Variants in XPO5 observed in about 807,000 individuals in gnomAD.
The protein encoded by XPO5 is exportin 5.
XPO5 carries 46 observed loss-of-function variants against 160.6 expected under a neutral mutation model. The ratio of observed to expected loss-of-function variants is 0.29; its 90% CI spans 0.23 to 0.37. XPO5 has a LOEUF of 0.37. Ranked by LOEUF, XPO5 falls within the 10% of genes least tolerant of loss-of-function variation. XPO5 has a pLI of 1.00. For missense variants in XPO5, 1,090 were observed against 1,463.9 expected (o/e 0.74, Z 4.17); for synonymous variants, 537 against 519.3 (o/e 1.03, Z -0.46).
rs780706231 is a variant in XPO5, at chr6:43,565,665, G to A, written c.906C>T (p.Ala302=). The A allele has an allele frequency of 1.7e-5, 28 of 1,604,438 alleles. No homozygotes were observed. The highest frequency in any genetic ancestry group is 1.6e-4 in the Middle Eastern group (1 of 6,064). Reference sequence around the variant, plus strand: ...TGAAAAGTAAAGATACTCACTGTGCGGCGGAGAGTATATAATGCATGGCAA... The same window carrying A: ...TGAAAAGTAAAGATACTCACTGTGCAGCGGAGAGTATATAATGCATGGCAA... The part of the protein sequence containing the change: ...GDVAMHYILS[A]AQTADGGGLV... Residue 302 remains alanine (A), a synonymous_variant, in exon 8 of 32, where the codon GCC becomes GCT. Transcript: ENST00000265351.
chr6:43,563,124 A>G (rs575565551), intron 8 of XPO5, among the ~76,000 whole-genome samples: 1 of 152,158 alleles, frequency 6.6e-6, no homozygotes, highest in African/African-American at 2.4e-5. Flanking sequence ...AAATGCTTTA[A>G]TATTTTTTCT....
intron 23 of XPO5, among the ~76,000 whole-genome samples, chr6:43,530,418 G>A (rs1201336488): frequency 6.7e-6 from 1 of 149,938 alleles, no homozygotes; most frequent in African/African-American, 2.5e-5. Flanking sequence ...GAGCAAGACT[G>A]TCTCAAAAAA....
rs1762856740 is a variant in XPO5, at chr6:43,569,191, C to G, written c.622-454G>C. On this transcript the variant is annotated intron_variant, in intron 5 of 31. Transcript: ENST00000265351. ...CCTGTAATCCCAGCTACTTGGGAAGCTGAGGCAGAAGAATCACTCGAACCC... is the reference window on the plus strand; with the variant it reads ...CCTGTAATCCCAGCTACTTGGGAAGGTGAGGCAGAAGAATCACTCGAACCC... 1.3e-5 allele frequency among the ~76,000 whole-genome samples: 2 copies of G among 151,452 alleles called. 1 individual carries two copies. Among genetic ancestry groups the G allele is most frequent in the South Asian group, 4.2e-4 (2 of 4,816 alleles).
At chr6:43,566,998 T>G (rs899294979) in intron 7 of XPO5, among the ~76,000 whole-genome samples, 171 bp downstream of exon 7, 1 of 152,040 alleles carries the variant, frequency 6.6e-6, no homozygotes, top group African/African-American at 2.4e-5. Flanking sequence ...TGCCAAAGGA[T>G]CCCTTGAATA....
chr6:43,561,445 C>T (rs1762411750), intron 9 of XPO5: 1 of 156,866 alleles, frequency 6.4e-6, no homozygotes. Context: ...GTGGCACGAT[C>T]TCGGCTCACT....
intron 20 of XPO5, among the ~76,000 whole-genome samples, chr6:43,534,939 G>A (rs1794223227): frequency 6.6e-6 from 1 of 152,000 alleles, no homozygotes; most frequent in Non-Finnish European, 1.5e-5. Context: ...AGGTTGTGGT[G>A]AGCCGAGATC....
intron 12 of XPO5, 21 bp from the exon 13 acceptor site, chr6:43,555,985 G>A (rs1335683531): frequency 1.2e-6 from 2 of 1,612,710 alleles, no homozygotes; most frequent in Admixed American, 1.7e-5. Flanking sequence ...AAAATGCCAA[G>A]GGAAGGACAG....
rs1793329906 is a variant in XPO5, at chr6:43,523,513, C to A, written c.*355G>T. On this transcript the variant is annotated 3_prime_UTR_variant, in exon 32 of 32. Transcript: ENST00000265351. Reference sequence around the variant, plus strand: ...TTGCTAGTCGCAGGGTTGGGCACAGCACCCTTAGTTACCATTCTGTACAGG... The same window carrying A: ...TTGCTAGTCGCAGGGTTGGGCACAGAACCCTTAGTTACCATTCTGTACAGG... 9.4e-6 allele frequency: 4 copies of A among 427,306 alleles called. No homozygotes were observed. The highest frequency in any genetic ancestry group is 1.8e-5 in the Non-Finnish European group (4 of 217,696). The allele number at this position is 427,306 out of a possible 1,614,324, so 26.5% of individuals were successfully genotyped here. A position where few individuals can be genotyped will look rare whatever the true frequency, so the allele number is the denominator to read the frequency against.
At position 43,524,963 on chromosome 6, in the gene XPO5, C is replaced by T. The variant is rs879216608; in HGVS notation, c.3180G>A (p.Leu1060=). 1 of 1,613,052 alleles carries T rather than the reference C, an allele frequency of 6.2e-7. No homozygotes were observed. Among genetic ancestry groups the T allele is most frequent in the African/African-American group, 1.3e-5 (1 of 74,938 alleles). ...QLCWPLLKQV[L]SGTLLADAVT... is the part of the protein sequence containing the mutation. ...CTGCATCTGCGAGCAGTGTCCCTGA[C>T]AGCACCTGGGGAGACAACTGTGCTT... Residue 1060 remains leucine (L), a synonymous_variant, in exon 30 of 32, where the codon CTG becomes CTA. Coordinates refer to ENST00000265351, the MANE Select transcript of XPO5 (RefSeq NM_020750.3).
At chr6:43,574,227 C>T (rs928750339) in intron 1 of XPO5, among the ~76,000 whole-genome samples, 6 of 151,140 alleles carry the variant, frequency 4.0e-5, no homozygotes, top group Non-Finnish European at 4.4e-5. Context: ...CACTTGAGCT[C>T]GAGAAATCAA....
At position 43,568,721 on chromosome 6, in the gene XPO5, T is replaced by C; in HGVS notation, c.638A>G (p.Gln213Arg). The C allele has an allele frequency of 6.3e-7, 1 of 1,579,480 alleles. No individual in the cohort carries two copies. The highest frequency in any genetic ancestry group is 8.6e-7 in the Non-Finnish European group (1 of 1,160,800). ...KYQQVKTDTS[Q>R]ESKAQANCRV... ...ATAAAGAGCTCTTACCTTTGACTCC[T>C]GAGAAGTATCTGTCTTCTGAAAGGA... The change falls in exon 6 of 32, where the codon CAG becomes CGG. Residue 213 changes from glutamine (Q) to arginine (R), a missense_variant. Coordinates refer to ENST00000265351, the MANE Select transcript of XPO5 (RefSeq NM_020750.3).
Position 43,530,768 on chromosome 6 carries a change from T to C in XPO5, c.2597A>G (p.Glu866Gly). Residue 866 changes from glutamate (E) to glycine (G), a missense_variant, in exon 23 of 32, where the codon GAG becomes GGG. By Grantham distance (98) the Glu-to-Gly change is moderately conservative. Coordinates refer to ENST00000265351, the MANE Select transcript of XPO5 (RefSeq NM_020750.3). ...PSMQQDFYTV[E>G]DLATQLLSSA... is the part of the protein sequence containing the mutation. The stretch of plus-strand genomic sequence containing the variant: ...GCTGAGAAGCTGGGTAGCAAGGTCC[T>C]CCACAGTATAGAAGTCTTGCTGCAT... 6.2e-7 allele frequency: 1 copy of C among 1,613,946 alleles called. No homozygotes were observed. Among genetic ancestry groups the C allele is most frequent in the Non-Finnish European group, 8.5e-7 (1 of 1,179,882 alleles).
chr6:43,554,459 T>C (rs1761924269), intron 13 of XPO5, among the ~76,000 whole-genome samples: 1 of 148,218 alleles, frequency 6.7e-6, no homozygotes, highest in African/African-American at 2.5e-5. Context: ...GGAGTCCCGC[T>C]CTTTGCCCAG....
At chr6:43,534,193 A>T (rs1794173409) in intron 20 of XPO5, among the ~76,000 whole-genome samples, 186 bp from the exon 21 acceptor site, 1 of 152,186 alleles carries the variant, frequency 6.6e-6, no homozygotes, top group South Asian at 2.1e-4. Context: ...GTATAGATAT[A>T]ATTATCTTAG....
chr6:43,573,472 C>A lies in XPO5; in HGVS notation c.227+8G>T, dbSNP rs754674947. On this transcript the variant is annotated splice_region_variant and intron_variant, in intron 2 of 31. Transcript: ENST00000265351. ...AGACTTCAGTGGTAATGTCCAAGAG[C>A]TCCTTACTTGACAACGTGTTCCAGG... 3 of 1,612,664 alleles carry A rather than the reference C, an allele frequency of 1.9e-6. No homozygotes were observed. The highest frequency in any genetic ancestry group is 8.5e-7 in the Non-Finnish European group (1 of 1,179,030).
chr6:43,541,041 A>G (rs1794664630), intron 20 of XPO5, among the ~76,000 whole-genome samples: 1 of 152,232 alleles, frequency 6.6e-6, no homozygotes. Context: ...TGTGGAATCT[A>G]AAAATTTAAA....
rs1258974878 is a variant in XPO5 at position 43,531,497 on chromosome 6, G to C, written c.2522C>G (p.Ser841Cys). The C allele has an allele frequency of 6.2e-7, 1 of 1,613,750 alleles. No homozygotes were observed. Among genetic ancestry groups the C allele is most frequent in the Non-Finnish European group, 8.5e-7 (1 of 1,179,790 alleles). Residue 841 changes from serine (S) to cysteine (C), a missense_variant, in exon 22 of 32, where the codon TCT becomes TGT. Ser to Cys is a moderately radical substitution (Grantham distance 112). Transcript: ENST00000265351. ...TVLERMQRFF[S>C]TLYENCFHIL... ...TCCTTACCAGTTTTCATAGAGGGTA[G>C]AGAAGAAACGCTGCATTCTTTCCAA...
chr6:43,567,077 C>T, intron 7 of XPO5, 92 bp downstream of exon 7: 2 of 1,389,870 alleles, frequency 1.4e-6, no homozygotes, highest in South Asian at 3.1e-5. Flanking sequence ...AAACCCAAAC[C>T]TTTAAATGAC....
In XPO5 at chr6:43,562,315, G is replaced by A; in HGVS notation, c.943C>T (p.His315Tyr). 3 of 1,609,414 alleles carry A rather than the reference G, an allele frequency of 1.9e-6. No individual in the cohort carries two copies. Among genetic ancestry groups the A allele is most frequent in the Non-Finnish European group, 2.5e-6 (3 of 1,178,098 alleles). ...CAGAGCCTCTTCAGAAAGACGTAGTGTTTTTCTACCAAACCTCCTCCATCA... is the reference window on the plus strand; with the variant it reads ...CAGAGCCTCTTCAGAAAGACGTAGTATTTTTCTACCAAACCTCCTCCATCA... Reference protein sequence around the residue: ...TADGGGLVEKHYVFLKRLCQV... With the variant: ...TADGGGLVEKYYVFLKRLCQV... Residue 315 changes from histidine to tyrosine, a missense_variant, in exon 9 of 32, where the codon CAC becomes TAC. Physicochemically the swap from His to Tyr is moderately conservative, Grantham distance 83. Transcript: ENST00000265351.
Sources: allele counts gnomAD v4.1 joint callset (sites outside exome capture counted in the v4.1 genomes callset), GRCh38; gene constraint gnomAD v4.1.1; transcripts MANE v1.5; gene names NCBI Gene and HGNC (gene_info 2026-07-23, HGNC 2026-07-21).